The following SERPINE2 variants were observed in gnomAD, a reference collection of about 807,000 sequenced individuals.
The protein encoded by SERPINE2 is serpin family E member 2, also known as glia-derived nexin.
In SERPINE2, 14 loss-of-function variants were observed where a neutral mutation model predicts 36.3. The observed-to-expected ratio is 0.39, with a 90% CI of 0.25 to 0.60. SERPINE2 has a LOEUF of 0.60. SERPINE2 is among the 20% of genes least tolerant of loss of function. SERPINE2 has a pLI of 0.57. For missense variants in SERPINE2, 418 were observed against 499.6 expected (o/e 0.84, Z 1.56); for synonymous variants, 192 against 191.8 (o/e 1.00, Z -0.01).
intron 1 of SERPINE2, among the ~76,000 whole-genome samples, chr2:224,020,830 T>C (rs1459259503): frequency 6.6e-6 from 1 of 152,234 alleles, no homozygotes; most frequent in East Asian, 1.9e-4. Context: ...CTATTTTAAA[T>C]GTACAATCAA....
chr2:224,017,265 AC>A (rs1261725792), intron 1 of SERPINE2, among the ~76,000 whole-genome samples: 3 of 17,350 alleles, frequency 1.7e-4, no homozygotes, highest in Non-Finnish European at 4.7e-4. Flanking sequence ...CTGAATTACT[AC>A]TTTTTTTTTT....
At chr2:223,994,443 A>G (rs1690798645) in intron 3 of SERPINE2, among the ~76,000 whole-genome samples, 1 of 152,234 alleles carries the variant, frequency 6.6e-6, no homozygotes, top group African/African-American at 2.4e-5. Flanking sequence ...ACCTGCCATC[A>G]GTAACTGCCA....
chr2:224,031,457 C>T (rs1417448694), intron 1 of SERPINE2: 1 of 985,530 alleles, frequency 1.0e-6, no homozygotes, highest in East Asian at 1.1e-4. Context: ...CTCTCCACTC[C>T]CTTTCCTCCT....
chr2:224,000,132 C>G (rs962659900), intron 2 of SERPINE2, among the ~76,000 whole-genome samples: 2 of 152,346 alleles, frequency 1.3e-5, no homozygotes, highest in South Asian at 4.1e-4. Flanking sequence ...TACTCTCCAG[C>G]TGACGACGCC....
intron 1 of SERPINE2, among the ~76,000 whole-genome samples, chr2:224,026,871 A>G (rs1692203253): frequency 6.6e-6 from 1 of 152,186 alleles, no homozygotes; most frequent in South Asian, 2.1e-4. Context: ...CTAGGGAATT[A>G]ATCTCTCCTC....
intron 1 of SERPINE2, chr2:224,030,905 T>A (rs747134092): frequency 3.2e-6 from 3 of 944,682 alleles, no homozygotes; most frequent in Non-Finnish European, 3.8e-6. Context: ...TAGATTTCAG[T>A]CCCAGAAAAA....
chr2:223,975,730 G>T lies in SERPINE2; in HGVS notation c.*137C>A. 1.6e-6 allele frequency: 1 copy of T among 639,954 alleles called. No homozygotes were observed. The allele number at this position is 639,954 out of a possible 1,614,324, so 39.6% of individuals were successfully genotyped here. Reference sequence around the variant, plus strand: ...CTCCCAGAACAGAAACACTTGCATCGAGTCTGTTCCTAAGAACTAGTTTTG... The same window carrying T: ...CTCCCAGAACAGAAACACTTGCATCTAGTCTGTTCCTAAGAACTAGTTTTG... On this transcript the variant is annotated 3_prime_UTR_variant, in exon 9 of 9. Coordinates refer to ENST00000409304, the MANE Select transcript of SERPINE2 (RefSeq NM_001136528.2).
At chr2:224,010,346 T>G (rs1175462037) in intron 1 of SERPINE2, 1 of 985,342 alleles carries the variant, frequency 1.0e-6, no homozygotes, top group Non-Finnish European at 1.2e-6. Flanking sequence ...GAAATACCTT[T>G]TCAGCCGCTG....
chr2:224,021,429 T>C (rs914288184), intron 1 of SERPINE2, among the ~76,000 whole-genome samples: 1 of 152,114 alleles, frequency 6.6e-6, no homozygotes, highest in Non-Finnish European at 1.5e-5. Context: ...GCTTCAAAGA[T>C]GAAGGGAAGA....
At chr2:224,015,156 C>A in intron 1 of SERPINE2, among the ~76,000 whole-genome samples, 1 of 152,186 alleles carries the variant, frequency 6.6e-6, no homozygotes, top group Admixed American at 6.5e-5. Flanking sequence ...AAAGAATTAT[C>A]CAGCGAAATG....
At chr2:224,011,141 T>A (rs1691611505) in intron 1 of SERPINE2, among the ~76,000 whole-genome samples, 1 of 152,194 alleles carries the variant, frequency 6.6e-6, no homozygotes, top group Non-Finnish European at 1.5e-5. Flanking sequence ...TACCTATGTA[T>A]CAAGTCCTAT....
At chr2:224,017,559 G>C (rs572082862) in intron 1 of SERPINE2, among the ~76,000 whole-genome samples, 1 of 152,026 alleles carries the variant, frequency 6.6e-6, no homozygotes, top group African/African-American at 2.4e-5. Context: ...TTAACAAAAG[G>C]ATTTAGGACA....
intron 1 of SERPINE2, among the ~76,000 whole-genome samples, chr2:224,005,056 T>A (rs868228812): frequency 2.1e-4 from 2 of 9,720 alleles, no homozygotes; most frequent in African/African-American, 3.2e-4. Context: ...TTTATATATT[T>A]TATATATATT....
chr2:223,992,131 T>A, intron 3 of SERPINE2, 131 bp from the exon 4 acceptor site: 1 of 743,814 alleles, frequency 1.3e-6, no homozygotes, highest in Non-Finnish European at 2.3e-6. Flanking sequence ...GAGAATCTTC[T>A]TAAACTACCC....
At chr2:223,976,382 C>T (rs1415329247) in intron 8 of SERPINE2, among the ~76,000 whole-genome samples, 2 of 152,120 alleles carry the variant, frequency 1.3e-5, no homozygotes, top group Non-Finnish European at 2.9e-5. Context: ...GAACTCCTGA[C>T]CTCAGGTGAT....
rs890431934 is a variant in SERPINE2 at position 224,018,837 on chromosome 2, T to A, written c.-22-16915A>T. On this transcript the variant is annotated intron_variant, in intron 1 of 8. Transcript: ENST00000409304. ...ATCAACAAGGAAAAGCTCTCCATTG[T>A]TTGAATGATCCACCCCTCTCAAGCT... Among the ~76,000 whole-genome samples the A allele has an allele frequency of 3.3e-5, 5 of 152,290 alleles. No homozygotes were observed. In the South Asian group the frequency reaches 1.0e-3, roughly 32 times the overall value.
intron 1 of SERPINE2, among the ~76,000 whole-genome samples, chr2:224,018,531 G>T (rs1311630197): frequency 6.6e-6 from 1 of 151,386 alleles, no homozygotes; most frequent in African/African-American, 2.4e-5. Flanking sequence ...TGGAAGATGA[G>T]GTAATCCAGG....
In SERPINE2 at chr2:224,004,273, C is replaced by T. The variant is rs565176535; in HGVS notation, c.-22-2351G>A. ...ACGCAGAACTCCCTGCCTGGCCCCC[C>T]GACACAGAGGGCCCCACTGTGAACC... On this transcript the variant is annotated intron_variant, in intron 1 of 8. Transcript: ENST00000409304. Among the ~76,000 whole-genome samples, 19 of 152,290 alleles carry T rather than the reference C, an allele frequency of 1.2e-4. No individual in the cohort carries two copies. In the East Asian group the frequency reaches 2.5e-3, roughly 20 times the overall value.
chr2:224,037,265 C>T (rs1011557491), intron 1 of SERPINE2, among the ~76,000 whole-genome samples: 1 of 152,128 alleles, frequency 6.6e-6, no homozygotes, highest in Admixed American at 6.5e-5. Context: ...GACCTCTATT[C>T]TCCTGGTAGA....
Sources: gnomAD v4.1 joint callset for allele counts (sites outside exome capture counted in the v4.1 genomes callset) on GRCh38, gnomAD v4.1.1 for gene constraint, MANE v1.5 for transcripts, NCBI Gene and HGNC (gene_info 2026-07-23, HGNC 2026-07-21) for gene names.